NAALADL2: variants seen among roughly 807,000 people sequenced by gnomAD.
NAALADL2 encodes the protein N-acetylated alpha-linked acidic dipeptidase like 2.
NAALADL2 carries 76 observed loss-of-function variants against 87.2 expected under a neutral mutation model. The ratio of observed to expected loss-of-function variants is 0.87; its 90% CI spans 0.72 to 1.05. The LOEUF (loss-of-function observed/expected upper bound fraction) is 1.05, where lower values mean the gene tolerates loss of function less well. Ranked by LOEUF, NAALADL2 falls within the 50% of genes least tolerant of loss-of-function variation. The pLI, the probability that NAALADL2 is intolerant of heterozygous loss-of-function variation, is 0.00. For synonymous variants in NAALADL2, 354 were observed against 331.0 expected, an observed-to-expected ratio of 1.07 and a Z score of -0.75; for missense variants, 1,089 against 945.8, an observed-to-expected ratio of 1.15 and a Z score of -1.99.
At chr3:175,043,251 G>A (rs1428569914) in intron 1 of NAALADL2, among the ~76,000 whole-genome samples, 3 of 152,058 alleles carry the variant, frequency 2.0e-5, no homozygotes, top group Non-Finnish European at 4.4e-5. Flanking sequence ...TTCTTTGTAT[G>A]TTTTGGATAT....
At chr3:175,556,481 A>G (rs1715289179) in intron 9 of NAALADL2, among the ~76,000 whole-genome samples, 2 of 152,196 alleles carry the variant, frequency 1.3e-5, no homozygotes, top group African/African-American at 2.4e-5. Context: ...ACCTTAAAAA[A>G]TAGCTCTCAA....
chr3:175,230,507 A>C (rs1279897158), intron 2 of NAALADL2, among the ~76,000 whole-genome samples: 1 of 152,018 alleles, frequency 6.6e-6, no homozygotes, highest in Non-Finnish European at 1.5e-5. Flanking sequence ...TAGCTAAATA[A>C]TACATGAAAA....
chr3:174,851,356 C>A (rs1725226680), intron 3 of NAALADL2, among the ~76,000 whole-genome samples: 1 of 120,696 alleles, frequency 8.3e-6, no homozygotes, highest in African/African-American at 3.0e-5. Context: ...AAAATTTCAG[C>A]CAGACTAAAA....
At chr3:175,006,414 G>T (rs543588274) in intron 1 of NAALADL2, among the ~76,000 whole-genome samples, 12 of 152,194 alleles carry the variant, frequency 7.9e-5, no homozygotes, top group African/African-American at 2.6e-4. Context: ...TAACAGATGT[G>T]CAGTAAATAC....
In NAALADL2 at chr3:175,424,008, G is replaced by C. The variant is rs1038364506; in HGVS notation, c.1091-23221G>C. ...TTGTGGTTTTGATTTGCATTTCTCTGACGGCCAGTGATGATGAGCATTTTT... is the reference window on the plus strand; with the variant it reads ...TTGTGGTTTTGATTTGCATTTCTCTCACGGCCAGTGATGATGAGCATTTTT... On this transcript the variant is annotated intron_variant, in intron 5 of 13. Coordinates refer to ENST00000454872, the MANE Select transcript of NAALADL2 (RefSeq NM_207015.3). Among the ~76,000 whole-genome samples, 13 of 152,250 alleles carry C rather than the reference G, an allele frequency of 8.5e-5. 1 individual carries two copies. The highest frequency in any genetic ancestry group is 8.5e-4 in the Admixed American group (13 of 15,284).
chr3:175,097,311 A>T lies in NAALADL2; in HGVS notation c.545+20A>T. On this transcript the variant is annotated intron_variant, in intron 2 of 13. Transcript: ENST00000454872. ...TTTCAGGTAGGTGAAGAAGAAACAG[A>T]TGTTGTTTGAATGCATTTCTTGGGA... 1.9e-6 allele frequency: 3 copies of T among 1,587,762 alleles called. No homozygotes were observed. The highest frequency in any genetic ancestry group is 2.6e-6 in the Non-Finnish European group (3 of 1,167,114).
chr3:175,314,706 A>AAC (rs1581382840), intron 4 of NAALADL2, among the ~76,000 whole-genome samples: 2 of 107,024 alleles, frequency 1.9e-5, no homozygotes, highest in African/African-American at 3.5e-5. Flanking sequence ...ATATATATAT[A>AAC]TATATATATA....
chr3:175,301,883 A>G (rs1757128143), intron 4 of NAALADL2, among the ~76,000 whole-genome samples: 1 of 152,200 alleles, frequency 6.6e-6, no homozygotes, highest in Non-Finnish European at 1.5e-5. Context: ...CAAGAAAGAT[A>G]TGCATATATG....
rs774792209 is a variant in NAALADL2 at position 175,115,575 on chromosome 3, C to G, written c.545+18284C>G. On this transcript the variant is annotated intron_variant, in intron 2 of 13. Coordinates refer to ENST00000454872, the MANE Select transcript of NAALADL2 (RefSeq NM_207015.3). ...TGTAAAAGAGAATGCTATTAAGCAG[C>G]AAATGTAAATTTCTTCTATATTTTG... Among the ~76,000 whole-genome samples, 3 of 151,532 alleles carry G rather than the reference C, an allele frequency of 2.0e-5. No homozygotes were observed. In the Admixed American group the frequency reaches 2.0e-4, roughly 10 times the overall value.
At chr3:174,552,953 C>T (rs1214296217) in intron 2 of NAALADL2, among the ~76,000 whole-genome samples, 2 of 151,964 alleles carry the variant, frequency 1.3e-5, no homozygotes, top group Non-Finnish European at 2.9e-5. Flanking sequence ...TGACTATAGA[C>T]ATATGTTACA....
chr3:175,267,306 A>G (rs1168555007), intron 4 of NAALADL2, among the ~76,000 whole-genome samples: 1 of 152,096 alleles, frequency 6.6e-6, no homozygotes, highest in Admixed American at 6.6e-5. Flanking sequence ...GCTCTAATTG[A>G]TTATAAAACA....
chr3:174,586,777 T>C (rs1315621026), intron 2 of NAALADL2, among the ~76,000 whole-genome samples: 1 of 152,150 alleles, frequency 6.6e-6, no homozygotes, highest in African/African-American at 2.4e-5. Flanking sequence ...CAAGGTATGC[T>C]TATGTTATTG....
At chr3:175,537,164 G>A (rs1734931896) in intron 9 of NAALADL2, among the ~76,000 whole-genome samples, 1 of 152,152 alleles carries the variant, frequency 6.6e-6, no homozygotes, top group Non-Finnish European at 1.5e-5. Context: ...CTTGTTCAAG[G>A]ATATAAAGGT....
intron 2 of NAALADL2, among the ~76,000 whole-genome samples, chr3:174,718,813 C>T (rs1190657318): frequency 1.3e-5 from 2 of 152,036 alleles, no homozygotes; most frequent in Non-Finnish European, 2.9e-5. Context: ...CAGTAGAAGG[C>T]AACAAATGAT....
intron 1 of NAALADL2, among the ~76,000 whole-genome samples, chr3:174,917,507 C>T (rs1224889843): frequency 5.3e-5 from 8 of 151,956 alleles, no homozygotes; most frequent in African/African-American, 1.9e-4. Flanking sequence ...AGAAAATATC[C>T]TCTGGATTTC....
chr3:174,746,951 T>C (rs564644473), intron 3 of NAALADL2, among the ~76,000 whole-genome samples: 3 of 152,230 alleles, frequency 2.0e-5, no homozygotes, highest in Non-Finnish European at 4.4e-5. Flanking sequence ...AAGACTGAAA[T>C]GTGAAACCTA....
chr3:175,492,705 T>C (rs1728276063), intron 9 of NAALADL2, among the ~76,000 whole-genome samples: 1 of 152,150 alleles, frequency 6.6e-6, no homozygotes, highest in African/African-American at 2.4e-5. Flanking sequence ...CAAATGTAAA[T>C]TATATGTGTT....
At chr3:175,177,252 C>T (rs754543835) in intron 2 of NAALADL2, among the ~76,000 whole-genome samples, 3 of 152,048 alleles carry the variant, frequency 2.0e-5, no homozygotes, top group Admixed American at 6.6e-5. Flanking sequence ...TCATACACTT[C>T]GTTTATCTGT....
intron 5 of NAALADL2, among the ~76,000 whole-genome samples, chr3:175,438,455 C>T (rs114571129): frequency 5.9e-4 from 90 of 152,116 alleles, no homozygotes; most frequent in African/African-American, 2.0e-3. Context: ...AAGTGGCAGC[C>T]CTCTGGAGAA....
Sources: allele counts gnomAD v4.1 joint callset (sites outside exome capture counted in the v4.1 genomes callset), GRCh38; gene constraint gnomAD v4.1.1; transcripts MANE v1.5; gene names NCBI Gene and HGNC (gene_info 2026-07-23, HGNC 2026-07-21).